Variants in WWOX observed in about 807,000 individuals in gnomAD.
WWOX encodes WW domain containing oxidoreductase.
WWOX carries 69 observed loss-of-function variants against 46.2 expected under a neutral mutation model. That is an observed-to-expected ratio of 1.49 (90% CI 1.23 to 1.82). The LOEUF (loss-of-function observed/expected upper bound fraction) is 1.82, where lower values mean the gene tolerates loss of function less well. Among genes scored for constraint, WWOX ranks in the 40% most tolerant of loss-of-function variants. The pLI is 0.00. For missense variants in WWOX, 919 were observed against 542.6 expected, an observed-to-expected ratio of 1.69 and a Z score of -6.89; for synonymous variants, 359 against 202.6, an observed-to-expected ratio of 1.77 and a Z score of -6.56.
At chr16:79,210,096 GTTA>G (rs1371991589) in intron 8 of WWOX, among the ~76,000 whole-genome samples, 21 of 152,284 alleles carry the variant, frequency 1.4e-4, no homozygotes, top group African/African-American at 5.1e-4. Context: ...CAAGCAGCCA[GTTA>G]TTATCAAAAC....
intron 5 of WWOX, among the ~76,000 whole-genome samples, chr16:78,219,131 A>G (rs79071273): frequency 6.6e-6 from 1 of 152,102 alleles, no homozygotes; most frequent in Non-Finnish European, 1.5e-5. Context: ...CTCCTACATG[A>G]TAGAGACTAG....
At chr16:78,427,945 G>A (rs8055263) in intron 7 of WWOX, among the ~76,000 whole-genome samples, 38,532 of 151,928 alleles carry the variant, frequency 0.25, 7,788 homozygotes, top group African/African-American at 0.56. Flanking sequence ...GTGCACGCCT[G>A]TAATCCCAGC....
intron 5 of WWOX, among the ~76,000 whole-genome samples, chr16:78,273,324 A>C (rs879430325): frequency 6.6e-6 from 1 of 151,214 alleles, no homozygotes; most frequent in South Asian, 2.1e-4. Context: ...AGTTTCCCCA[A>C]GCTGATCAGT....
chr16:78,184,001 C>T (rs751849134), intron 5 of WWOX, among the ~76,000 whole-genome samples: 1 of 152,168 alleles, frequency 6.6e-6, no homozygotes, highest in Non-Finnish European at 1.5e-5. Context: ...AGCAACTTCA[C>T]ATCAAGGGCT....
intron 4 of WWOX, among the ~76,000 whole-genome samples, chr16:78,160,764 G>A (rs939978608): frequency 1.3e-5 from 2 of 152,072 alleles, no homozygotes; most frequent in Non-Finnish European, 2.9e-5. Context: ...TTTTGCTGTT[G>A]CTTTCAGTGT....
At chr16:78,821,773 C>CT (rs1274639525) in intron 8 of WWOX, among the ~76,000 whole-genome samples, 2 of 152,164 alleles carry the variant, frequency 1.3e-5, no homozygotes, top group African/African-American at 4.8e-5. Context: ...GCAAAGTAAC[C>CT]TAGCATAGTG....
intron 6 of WWOX, among the ~76,000 whole-genome samples, chr16:78,390,185 C>T (rs1414611516): frequency 6.6e-6 from 1 of 152,220 alleles, no homozygotes; most frequent in African/African-American, 2.4e-5. Flanking sequence ...TGAGATCTCA[C>T]AATTCACTGC....
intron 6 of WWOX, among the ~76,000 whole-genome samples, chr16:78,402,074 T>G (rs1436135508): frequency 2.0e-5 from 3 of 152,242 alleles, no homozygotes; most frequent in East Asian, 3.8e-4. Flanking sequence ...TTACCACTTT[T>G]GAATTGCAGA....
intron 8 of WWOX, among the ~76,000 whole-genome samples, chr16:78,767,695 C>T (rs182739281): frequency 8.1e-4 from 124 of 152,256 alleles, no homozygotes; most frequent in Non-Finnish European, 1.4e-3. Flanking sequence ...AGCAGTGCAT[C>T]AGGATTCTAG....
intron 8 of WWOX, among the ~76,000 whole-genome samples, chr16:78,581,781 C>G (rs998827354): frequency 6.6e-6 from 1 of 152,162 alleles, no homozygotes; most frequent in Non-Finnish European, 1.5e-5. Context: ...GATGACAGGA[C>G]TTAATACAAA....
At chr16:78,646,322 C>A (rs1014394519) in intron 8 of WWOX, among the ~76,000 whole-genome samples, 1 of 152,138 alleles carries the variant, frequency 6.6e-6, no homozygotes, top group Non-Finnish European at 1.5e-5. Context: ...CCTTTTGGCA[C>A]CATTATTCTG....
chr16:78,461,965 G>C (rs903228640), intron 8 of WWOX, among the ~76,000 whole-genome samples: 2 of 152,204 alleles, frequency 1.3e-5, no homozygotes, highest in African/African-American at 4.8e-5. Context: ...CCAATGGAAG[G>C]ACCCTCAACA....
rs565408934 is a variant in WWOX at position 78,861,792 on chromosome 16, A to T, written c.1057-349816A>T. Among the ~76,000 whole-genome samples the T allele has an allele frequency of 2.6e-5, 4 of 152,306 alleles. No homozygotes were observed. The South Asian group carries it at 8.3e-4, about 32-fold the overall frequency. On this transcript the variant is annotated intron_variant, in intron 8 of 8. Coordinates refer to ENST00000566780, the MANE Select transcript of WWOX (RefSeq NM_016373.4). ...TTGGTTGAATAGTTTCTGTCTTAAAAAGTCCAGAAATTGTTGAAATAGGTA... is the reference window on the plus strand; with the variant it reads ...TTGGTTGAATAGTTTCTGTCTTAAATAGTCCAGAAATTGTTGAAATAGGTA...
chr16:79,133,685 T>A (rs2049926820), intron 8 of WWOX, among the ~76,000 whole-genome samples: 1 of 152,192 alleles, frequency 6.6e-6, no homozygotes, highest in Admixed American at 6.5e-5. Context: ...TGGGGAGTTG[T>A]ATATTGTATC....
intron 8 of WWOX, among the ~76,000 whole-genome samples, chr16:78,570,362 G>A (rs530174070): frequency 1.3e-5 from 2 of 152,300 alleles, no homozygotes; most frequent in South Asian, 2.1e-4. Flanking sequence ...GATCTGGAGT[G>A]TGGTGGTGCA....
At chr16:79,124,411 A>G (rs11647342) in intron 8 of WWOX, among the ~76,000 whole-genome samples, 2 of 152,176 alleles carry the variant, frequency 1.3e-5, no homozygotes, top group African/African-American at 2.4e-5. Flanking sequence ...TATGCTTTTT[A>G]AAATACAACC....
chr16:79,204,303 G>A (rs1007210786), intron 8 of WWOX: 4 of 151,990 alleles, frequency 2.6e-5, no homozygotes, highest in African/African-American at 7.3e-5. Flanking sequence ...TCTCAGGTCC[G>A]GTCAGTTCTA....
chr16:78,837,104 GAGA>G (rs1413308264), intron 8 of WWOX, among the ~76,000 whole-genome samples: 4 of 152,056 alleles, frequency 2.6e-5, no homozygotes, highest in African/African-American at 4.8e-5. Context: ...AGGGAGGGGG[GAGA>G]AGAAGAAGGA....
chr16:78,710,202 C>G (rs2048409543), intron 8 of WWOX, among the ~76,000 whole-genome samples: 2 of 151,888 alleles, frequency 1.3e-5, no homozygotes, highest in South Asian at 2.1e-4. Flanking sequence ...GTTCAAATCA[C>G]CCAGTGGCGT....
Sources: allele counts gnomAD v4.1 joint callset (sites outside exome capture counted in the v4.1 genomes callset), GRCh38; gene constraint gnomAD v4.1.1; transcripts MANE v1.5; gene names NCBI Gene and HGNC (gene_info 2026-07-23, HGNC 2026-07-21).